Variants in MAGI3 observed in about 807,000 individuals in gnomAD.
MAGI3 encodes the protein membrane-associated guanylate kinase, WW and PDZ domain-containing protein 3.
A neutral mutation model predicts 121.8 loss-of-function variants in MAGI3; 43 were observed. That is an observed-to-expected ratio of 0.35 (90% confidence interval 0.28 to 0.46). The LOEUF is 0.46. Ranked by LOEUF, MAGI3 falls within the 20% of genes least tolerant of loss-of-function variation. MAGI3 has a pLI of 1.00. For synonymous variants in MAGI3, 553 were observed against 639.3 expected (o/e 0.86, Z 2.04); for missense variants, 1,547 against 1,797.3 (o/e 0.86, Z 2.52).
At chr1:113,604,314 A>C (rs1311625992) in intron 6 of MAGI3, among the ~76,000 whole-genome samples, 2 of 152,108 alleles carry the variant, frequency 1.3e-5, no homozygotes, top group African/African-American at 4.8e-5. Flanking sequence ...CATGCCTGTA[A>C]TCCCAACACT....
chr1:113,637,427 T>G lies in MAGI3; in HGVS notation c.1361-4484T>G, dbSNP rs370393822. Among the ~76,000 whole-genome samples, 430 of 152,214 alleles carry G rather than the reference T, an allele frequency of 2.8e-3. 1 individual carries two copies. The highest frequency in any genetic ancestry group is 4.9e-3 in the Non-Finnish European group (331 of 67,996). ...GGAGCTCTTTTAGGGCAGGCCTGGT[T>G]GTGACAAAATCTCTCAGCATTTGCT... On this transcript the variant is annotated intron_variant, in intron 9 of 20. Transcript: ENST00000307546.
chr1:113,549,848 G>A (rs570731725), intron 2 of MAGI3, among the ~76,000 whole-genome samples: 3 of 152,288 alleles, frequency 2.0e-5, no homozygotes, highest in Non-Finnish European at 4.4e-5. Flanking sequence ...GCCGGGTGCA[G>A]TGGCTCACAC....
intron 19 of MAGI3, among the ~76,000 whole-genome samples, chr1:113,679,227 G>A (rs1648063156): frequency 6.6e-6 from 1 of 151,976 alleles, no homozygotes; most frequent in Non-Finnish European, 1.5e-5. Flanking sequence ...TACCCAATAG[G>A]CAGTTTTTTA....
At chr1:113,427,371 C>T (rs1172346170) in intron 1 of MAGI3, among the ~76,000 whole-genome samples, 1 of 152,218 alleles carries the variant, frequency 6.6e-6, no homozygotes, top group African/African-American at 2.4e-5. Context: ...AATCTCAGAC[C>T]TTGTGGGAGA....
intron 3 of MAGI3, among the ~76,000 whole-genome samples, chr1:113,583,179 G>T (rs1179214142): frequency 6.6e-6 from 1 of 151,328 alleles, no homozygotes; most frequent in Non-Finnish European, 1.5e-5. Context: ...AAGTTCTAGG[G>T]TACATGTGCA....
rs369937160 is a variant in MAGI3 at position 113,416,128 on chromosome 1, G to C, written c.316+24779G>C. Among the ~76,000 whole-genome samples, 1,316 of 98,024 alleles carry C rather than the reference G, an allele frequency of 0.013. 22 individuals carry two copies. The East Asian group carries it at 0.17, about 12-fold the overall frequency. 64.3% of individuals were successfully genotyped at this position (98,024 alleles called of 152,430 possible). A position where few individuals can be genotyped will look rare whatever the true frequency, so the allele number is the denominator to read the frequency against. ...GACACATATTAATTATGTAATTAAT[G>C]ACACATATTAATTATGTAATTAATG... On this transcript the variant is annotated intron_variant, in intron 1 of 20. Coordinates refer to ENST00000307546, the MANE Select transcript of MAGI3 (RefSeq NM_001142782.2).
intron 9 of MAGI3, among the ~76,000 whole-genome samples, chr1:113,641,037 T>TA (rs1337000713): frequency 8.5e-5 from 11 of 129,918 alleles, no homozygotes; most frequent in Non-Finnish European, 1.7e-4. Context: ...ATATGATATA[T>TA]ATAATATATA....
intron 6 of MAGI3, among the ~76,000 whole-genome samples, chr1:113,603,505 G>A (rs531731005): frequency 1.3e-5 from 2 of 152,184 alleles, no homozygotes; most frequent in Non-Finnish European, 2.9e-5. Flanking sequence ...CTCTTTCTAT[G>A]AAGCCAGTAT....
chr1:113,508,519 G>A (rs1368018558), intron 1 of MAGI3, among the ~76,000 whole-genome samples: 1 of 152,182 alleles, frequency 6.6e-6, no homozygotes, highest in Non-Finnish European at 1.5e-5. Flanking sequence ...CTTGCTTAGG[G>A]GCAGTTATCA....
chr1:113,438,084 G>T (rs1040280520), intron 1 of MAGI3, among the ~76,000 whole-genome samples: 28 of 151,962 alleles, frequency 1.8e-4, no homozygotes, highest in Non-Finnish European at 4.0e-4. Flanking sequence ...ATGAGCCACT[G>T]TGCCTGGCTC....
intron 1 of MAGI3, among the ~76,000 whole-genome samples, chr1:113,421,229 C>T (rs1209409081): frequency 6.6e-6 from 1 of 152,116 alleles, no homozygotes; most frequent in Non-Finnish European, 1.5e-5. Flanking sequence ...CTTCCTTATA[C>T]TTCAAGCCTG....
chr1:113,402,792 G>A (rs575285659), intron 1 of MAGI3, among the ~76,000 whole-genome samples: 2 of 152,134 alleles, frequency 1.3e-5, no homozygotes, highest in South Asian at 4.1e-4. Flanking sequence ...TGCTGGGTGC[G>A]GGACAAGAAG....
chr1:113,567,259 C>G (rs759368867), intron 2 of MAGI3, among the ~76,000 whole-genome samples: 6 of 151,866 alleles, frequency 4.0e-5, no homozygotes, highest in Non-Finnish European at 8.8e-5. Flanking sequence ...TCTGAAAAGA[C>G]CTATAATGAG....
intron 16 of MAGI3, among the ~76,000 whole-genome samples, chr1:113,660,734 C>T (rs1324625338): frequency 2.0e-5 from 3 of 149,896 alleles, no homozygotes; most frequent in African/African-American, 2.5e-5. Flanking sequence ...CTGACCTCAG[C>T]GTCCTGAGTA....
rs139101565 is a variant in MAGI3, at chr1:113,486,301, G to A, written c.317-63214G>A. Among the ~76,000 whole-genome samples the A allele has an allele frequency of 2.7e-3, 410 of 152,234 alleles. 6 individuals are homozygous for A. In the Middle Eastern group the frequency reaches 0.031, roughly 11 times the overall value. ...TTTGTAGATTGCTTTTCTTTTGGCC[G>A]TATGGTCATTTTCACAATATTGATT... On this transcript the variant is annotated intron_variant, in intron 1 of 20. Coordinates refer to ENST00000307546, the MANE Select transcript of MAGI3 (RefSeq NM_001142782.2).
At chr1:113,559,913 C>G (rs1011024115) in intron 2 of MAGI3, among the ~76,000 whole-genome samples, 8 of 152,126 alleles carry the variant, frequency 5.3e-5, no homozygotes, top group Non-Finnish European at 1.0e-4. Context: ...CTTAGACTCC[C>G]ACACAATAAT....
intron 1 of MAGI3, among the ~76,000 whole-genome samples, chr1:113,437,880 C>CTTCTTCCTCTT (rs1557757197): frequency 7.4e-3 from 125 of 16,986 alleles, no homozygotes; most frequent in East Asian, 0.019. Flanking sequence ...TTCTTCTTCT[C>CTTCTTCCTCTT]CTTCTCCTTC....
chr1:113,557,809 C>A (rs773119016), intron 2 of MAGI3, among the ~76,000 whole-genome samples: 5 of 152,156 alleles, frequency 3.3e-5, no homozygotes, highest in Admixed American at 6.5e-5. Flanking sequence ...TACGTTCGGG[C>A]TGGCAGTAGT....
chr1:113,564,309 G>T (rs1418532065), intron 2 of MAGI3, among the ~76,000 whole-genome samples: 3 of 152,128 alleles, frequency 2.0e-5, no homozygotes, highest in Non-Finnish European at 4.4e-5. Context: ...TATCACTTAT[G>T]GTTGATTGTG....
Sources: gnomAD v4.1 joint callset for allele counts (sites outside exome capture counted in the v4.1 genomes callset) on GRCh38, gnomAD v4.1.1 for gene constraint, MANE v1.5 for transcripts, NCBI Gene and HGNC (gene_info 2026-07-23, HGNC 2026-07-21) for gene names.